Variants in LRRTM4 observed in about 807,000 individuals in gnomAD.
The protein encoded by LRRTM4 is leucine rich repeat transmembrane neuronal 4, also known as leucine-rich repeat transmembrane neuronal protein 4.
Under a neutral mutation model 47.6 loss-of-function variants are expected in LRRTM4, and 25 were observed. That is an observed-to-expected ratio of 0.53 (90% CI 0.38 to 0.73). The LOEUF is 0.73. Among genes scored for constraint, LRRTM4 ranks in the 30% least tolerant of loss-of-function variants. The pLI is 0.00. For missense variants in LRRTM4, 638 were observed against 713.4 expected, an observed-to-expected ratio of 0.89 and a Z score of 1.20; for synonymous variants, 311 against 269.5, an observed-to-expected ratio of 1.15 and a Z score of -1.51.
intron 3 of LRRTM4, among the ~76,000 whole-genome samples, chr2:77,387,517 A>G (rs1177696989): frequency 6.6e-6 from 1 of 152,120 alleles, no homozygotes; most frequent in Non-Finnish European, 1.5e-5. Context: ...ATGCAAATCC[A>G]GTACATGCAC....
chr2:76,997,065 A>AT (rs997280752), intron 3 of LRRTM4, among the ~76,000 whole-genome samples: 21 of 152,128 alleles, frequency 1.4e-4, no homozygotes, highest in Non-Finnish European at 2.8e-4. Flanking sequence ...GCAGAGCTAG[A>AT]TTTTTTTAGA....
chr2:77,374,589 T>C (rs1335546489), intron 3 of LRRTM4, among the ~76,000 whole-genome samples: 2 of 151,804 alleles, frequency 1.3e-5, no homozygotes, highest in Admixed American at 1.3e-4. Context: ...TTTATTTTTG[T>C]ATGAGTGTCA....
intron 3 of LRRTM4, among the ~76,000 whole-genome samples, chr2:77,481,750 A>T (rs2104019482): frequency 6.6e-6 from 1 of 152,308 alleles, no homozygotes; most frequent in Middle Eastern, 3.4e-3. Flanking sequence ...CTATCTATGG[A>T]TACATAAAAT....
At chr2:77,408,429 A>C (rs1434941348) in intron 3 of LRRTM4, among the ~76,000 whole-genome samples, 2 of 152,236 alleles carry the variant, frequency 1.3e-5, no homozygotes, top group African/African-American at 4.8e-5. Flanking sequence ...CCAATTTAAA[A>C]TAAGTCATTA....
chr2:77,363,209 G>A (rs2103750212), intron 3 of LRRTM4, among the ~76,000 whole-genome samples: 1 of 152,072 alleles, frequency 6.6e-6, no homozygotes, highest in Admixed American at 6.5e-5. Context: ...ATTTTACCGT[G>A]GCTTATCATT....
chr2:77,067,876 T>C lies in LRRTM4; in HGVS notation c.1552-318960A>G, dbSNP rs557201361. 2.0e-5 allele frequency among the ~76,000 whole-genome samples: 3 copies of C among 152,148 alleles called. No individual in the cohort carries two copies. The East Asian group carries it at 5.8e-4, about 29-fold the overall frequency. On this transcript the variant is annotated intron_variant, in intron 3 of 3. Coordinates refer to ENST00000409884, the MANE Select transcript of LRRTM4 (RefSeq NM_001134745.3). ...AATATATAATACATACAATTGTGAA[T>C]ATAAAACTAATCTTGATGACCATCA...
chr2:77,486,672 C>T (rs985295067), intron 3 of LRRTM4, among the ~76,000 whole-genome samples: 9 of 152,058 alleles, frequency 5.9e-5, no homozygotes, highest in Non-Finnish European at 1.3e-4. Context: ...AATATTTGAG[C>T]GAATCTAGGG....
Position 77,146,916 on chromosome 2 carries a change from A to G in LRRTM4, c.1551+371402T>C, listed in dbSNP as rs552508018. Among the ~76,000 whole-genome samples, 4 of 152,296 alleles carry G rather than the reference A, an allele frequency of 2.6e-5. No homozygotes were observed. In the East Asian group the frequency reaches 5.8e-4, roughly 22 times the overall value. The stretch of plus-strand genomic sequence containing the variant: ...ATGCCTCATTTTAAACAGAAAAAGA[A>G]TTTAGAGGGAGCTAGTTTATCTGAC... On this transcript the variant is annotated intron_variant, in intron 3 of 3. Transcript: ENST00000409884.
chr2:76,807,417 T>TACACACACAC (rs1670529075), intron 3 of LRRTM4, among the ~76,000 whole-genome samples: 1 of 85,356 alleles, frequency 1.2e-5, no homozygotes, highest in South Asian at 5.0e-4. Flanking sequence ...CGTATATATA[T>TACACACACAC]ATATATACAT....
chr2:76,802,808 T>C (rs1173653308), intron 3 of LRRTM4, among the ~76,000 whole-genome samples: 2 of 152,004 alleles, frequency 1.3e-5, no homozygotes, highest in African/African-American at 4.8e-5. Context: ...ATATTTACAG[T>C]CAATTGGTTT....
At chr2:77,114,540 A>G (rs7582172) in intron 3 of LRRTM4, among the ~76,000 whole-genome samples, 24,810 of 152,140 alleles carry the variant, frequency 0.16, 4,178 homozygotes, top group African/African-American at 0.42. Flanking sequence ...AGAGGGAATC[A>G]GGTTCCCACA....
At chr2:77,058,619 A>G (rs564780369) in intron 3 of LRRTM4, among the ~76,000 whole-genome samples, 37 of 152,180 alleles carry the variant, frequency 2.4e-4, no homozygotes, top group African/African-American at 8.7e-4. Context: ...TATTCCCAAT[A>G]TATTTCAAGG....
At chr2:77,172,077 TC>T (rs1673064165) in intron 3 of LRRTM4, among the ~76,000 whole-genome samples, 1 of 152,204 alleles carries the variant, frequency 6.6e-6, no homozygotes, top group African/African-American at 2.4e-5. Flanking sequence ...GCCTGCAACT[TC>T]CTTACAATTT....
intron 3 of LRRTM4, among the ~76,000 whole-genome samples, chr2:76,811,785 C>T (rs1463994700): frequency 3.3e-5 from 5 of 152,122 alleles, no homozygotes; most frequent in African/African-American, 4.8e-5. Flanking sequence ...TCCTGAACAA[C>T]AGAAGGCAGC....
intron 3 of LRRTM4, among the ~76,000 whole-genome samples, chr2:77,289,296 G>T (rs1676753560): frequency 6.6e-6 from 1 of 151,862 alleles, no homozygotes; most frequent in Admixed American, 6.6e-5. Flanking sequence ...TTTTTAAAAG[G>T]AAAATTTGAA....
intron 3 of LRRTM4, among the ~76,000 whole-genome samples, chr2:77,248,537 CA>C (rs1558652455): frequency 6.6e-6 from 1 of 151,884 alleles, no homozygotes; most frequent in Admixed American, 6.6e-5. Flanking sequence ...TAGATATAAA[CA>C]AACTAACTCT....
intron 3 of LRRTM4, among the ~76,000 whole-genome samples, chr2:77,176,588 G>A (rs1673203956): frequency 6.6e-6 from 1 of 152,178 alleles, no homozygotes; most frequent in East Asian, 1.9e-4. Flanking sequence ...TCAGGCAGCA[G>A]GAGGGTGATG....
At chr2:77,317,724 T>A (rs577781354) in intron 3 of LRRTM4, among the ~76,000 whole-genome samples, 3 of 152,244 alleles carry the variant, frequency 2.0e-5, no homozygotes, top group East Asian at 1.9e-4. Context: ...GGGCTGGAAG[T>A]TAGTCTGCTT....
At chr2:76,782,006 C>T (rs1395104286) in intron 3 of LRRTM4, among the ~76,000 whole-genome samples, 1 of 152,110 alleles carries the variant, frequency 6.6e-6, no homozygotes, top group African/African-American at 2.4e-5. Flanking sequence ...CCTTTGCTGA[C>T]ATTAAATACT....
Sources: gnomAD v4.1 joint callset for allele counts (sites outside exome capture counted in the v4.1 genomes callset) on GRCh38, gnomAD v4.1.1 for gene constraint, MANE v1.5 for transcripts, NCBI Gene and HGNC (gene_info 2026-07-23, HGNC 2026-07-21) for gene names.